IDE: variants seen among roughly 807,000 people sequenced by gnomAD.
IDE encodes insulin-degrading enzyme.
IDE carries 58 observed loss-of-function variants against 133.2 expected under a neutral mutation model. The ratio of observed to expected loss-of-function variants is 0.44; its 90% confidence interval spans 0.35 to 0.54. The LOEUF (loss-of-function observed/expected upper bound fraction) is 0.54. Among genes scored for constraint, IDE ranks in the 20% least tolerant of loss-of-function variants. The probability of loss-of-function intolerance (pLI) is 0.00; values close to 1 mark genes in which losing one functional copy is unlikely to be tolerated. For missense variants in IDE, 981 were observed against 1,234.0 expected (o/e 0.79, Z 3.07); for synonymous variants, 396 against 421.3 (o/e 0.94, Z 0.73).
At chr10:92,492,821 C>T (rs541146204) in intron 11 of IDE, among the ~76,000 whole-genome samples, 5 of 152,188 alleles carry the variant, frequency 3.3e-5, no homozygotes, top group Non-Finnish European at 5.9e-5. Context: ...AACTTCAACG[C>T]TAGTAGTCTG....
chr10:92,549,864 T>A (rs1222398002), intron 1 of IDE, among the ~76,000 whole-genome samples: 4 of 152,106 alleles, frequency 2.6e-5, no homozygotes, highest in Non-Finnish European at 5.9e-5. Context: ...ACCCAAGTCT[T>A]TAGACACAAA....
Position 92,483,797 on chromosome 10 carries a change from AT to A in IDE, c.1657-461del, listed in dbSNP as rs577810442. On this transcript the variant is annotated intron_variant, in intron 13 of 24. Coordinates refer to ENST00000265986, the MANE Select transcript of IDE (RefSeq NM_004969.4). ...GGTTGGTCTGCCTTACTAACAAAAT[AT>A]GACAGAATTAATGGTATACCTCTGA... Among the ~76,000 whole-genome samples, 127 of 152,282 alleles carry A rather than the reference AT, an allele frequency of 8.3e-4. 1 individual carries two copies. Among genetic ancestry groups the A allele is most frequent in the Middle Eastern group, 3.4e-3 (1 of 294 alleles).
chr10:92,552,498 C>T (rs564230156), intron 1 of IDE, among the ~76,000 whole-genome samples: 1 of 152,150 alleles, frequency 6.6e-6, no homozygotes, highest in South Asian at 2.1e-4. Flanking sequence ...CTAGACTGGC[C>T]GGCCACTAGA....
rs78857155 is a variant in IDE at position 92,457,666 on chromosome 10, G to A, written c.2824-1235C>T. On this transcript the variant is annotated intron_variant, in intron 22 of 24. Coordinates refer to ENST00000265986, the MANE Select transcript of IDE (RefSeq NM_004969.4). ...CTCTTATTCCTTAGCCACAAGCAACGTTTCATATCCTTAGAGGAAAGAAAT... is the reference window on the plus strand; with the variant it reads ...CTCTTATTCCTTAGCCACAAGCAACATTTCATATCCTTAGAGGAAAGAAAT... Among the ~76,000 whole-genome samples the A allele has an allele frequency of 5.2e-3, 791 of 152,108 alleles. 10 individuals are homozygous for A. Among genetic ancestry groups the A allele is most frequent in the African/African-American group, 0.018 (749 of 41,476 alleles).
intron 11 of IDE, among the ~76,000 whole-genome samples, chr10:92,495,314 G>A (rs1200158019): frequency 6.6e-6 from 1 of 151,262 alleles, no homozygotes; most frequent in Non-Finnish European, 1.5e-5. Flanking sequence ...TCCGCCTCCT[G>A]GATTCAAGCG....
At chr10:92,543,161 A>C (rs1270111888) in intron 1 of IDE, among the ~76,000 whole-genome samples, 1 of 152,230 alleles carries the variant, frequency 6.6e-6, no homozygotes, top group Non-Finnish European at 1.5e-5. Context: ...CTTCTGTGGA[A>C]TCCATCCACC....
At chr10:92,478,913 T>C (rs1846435628) in intron 15 of IDE, 1 of 349,334 alleles carries the variant, frequency 2.9e-6, no homozygotes, top group Non-Finnish European at 4.4e-6. Context: ...AAATAGTATA[T>C]GCCAACCTTA....
intron 1 of IDE, among the ~76,000 whole-genome samples, chr10:92,549,029 G>T (rs1014808425): frequency 6.6e-6 from 1 of 151,926 alleles, no homozygotes; most frequent in East Asian, 1.9e-4. Flanking sequence ...AGGCTGAGGC[G>T]GGCGGATCAC....
intron 10 of IDE, 85 bp from the exon 11 acceptor site, chr10:92,504,982 A>G (rs1039196556): frequency 1.5e-6 from 1 of 658,706 alleles, no homozygotes; most frequent in Admixed American, 3.4e-5. Context: ...CATTAAATTC[A>G]TTACTGTACA....
rs576303148 is a variant in IDE, at chr10:92,565,952, G to A, written c.98+7970C>T. ...TCTCGCTAAGCCACTTACTAGCTGT[G>A]TATCCTTGAGCAAGTTAACCTCTTT... On this transcript the variant is annotated intron_variant, in intron 1 of 24. Transcript: ENST00000265986. 4.2e-4 allele frequency among the ~76,000 whole-genome samples: 63 copies of A among 151,614 alleles called. No homozygotes were observed. The Middle Eastern group carries it at 0.01, about 25-fold the overall frequency.
chr10:92,555,236 C>T (rs558548222), intron 1 of IDE, among the ~76,000 whole-genome samples: 5 of 152,160 alleles, frequency 3.3e-5, no homozygotes, highest in East Asian at 1.9e-4. Flanking sequence ...CAGTGGCTCA[C>T]GCCTGTAATC....
In IDE at chr10:92,573,932, G is replaced by A; in HGVS notation, c.88C>T (p.Arg30Cys). 3 of 1,465,834 alleles carry A rather than the reference G, an allele frequency of 2.0e-6. No homozygotes were observed. Among genetic ancestry groups the A allele is most frequent in the Middle Eastern group, 1.7e-4 (1 of 5,720 alleles). The allele number at this position is 1,465,834 out of a possible 1,614,324, so 90.8% of individuals were successfully genotyped here. The change falls in exon 1 of 25, where the codon CGC becomes TGC. Residue 30 changes from arginine to cysteine, a missense_variant. Around this residue, in one of 2 missense-constraint regions of IDE, gnomAD observed 321 missense variants for 339.3 expected, o/e 0.95. Transcript: ENST00000265986. ...CTCCATTCCGCTTACCCACACAGGC[G>A]CTCCGGAGGCGGCAGGCGGGCGCCG... ...VLGARLPPPE[R>C]LCGFQKKTYS...
At chr10:92,549,443 G>T (rs1332645107) in intron 1 of IDE, among the ~76,000 whole-genome samples, 1 of 152,038 alleles carries the variant, frequency 6.6e-6, no homozygotes, top group Non-Finnish European at 1.5e-5. Flanking sequence ...TCCCATCTAT[G>T]TATCTACATA....
intron 13 of IDE, 50 bp downstream of exon 13, chr10:92,487,146 T>G: frequency 1.9e-6 from 3 of 1,542,500 alleles, no homozygotes; most frequent in Non-Finnish European, 2.6e-6. Context: ...CAGTCCCCCA[T>G]GTATTAGGTC....
intron 1 of IDE, chr10:92,573,311 G>A (rs951954907): frequency 2.8e-6 from 1 of 363,384 alleles, no homozygotes; most frequent in Non-Finnish European, 3.8e-6. Context: ...GTAAAACAAG[G>A]GAGCTGCTGT....
In IDE at chr10:92,531,913, C is replaced by T; in HGVS notation, c.496G>A (p.Ala166Thr). The change falls in exon 4 of 25, where the codon GCA (alanine) becomes ACA (threonine). Residue 166 changes from alanine to threonine, a missense_variant. Coordinates refer to ENST00000265986, the MANE Select transcript of IDE (RefSeq NM_004969.4). ...EHLEGALDRF[A>T]QFFLCPLFDE... ...AACAAGGGGCACAGAAAAAACTGTG[C>T]AAACCTAAGGGTACGAAACATAATT... 6.5e-7 allele frequency: 1 copy of T among 1,541,498 alleles called. No homozygotes were observed. The highest frequency in any genetic ancestry group is 1.4e-5 in the African/African-American group (1 of 72,968).
intron 11 of IDE, among the ~76,000 whole-genome samples, chr10:92,495,623 C>T (rs1564622876): frequency 6.6e-6 from 1 of 151,796 alleles, no homozygotes; most frequent in Non-Finnish European, 1.5e-5. Flanking sequence ...AGTGCTGGGA[C>T]TACAGGCGTG....
intron 13 of IDE, 55 bp downstream of exon 13, chr10:92,487,141 C>T: frequency 6.6e-7 from 1 of 1,522,658 alleles, no homozygotes; most frequent in African/African-American, 1.4e-5. Flanking sequence ...TTACCCAGTC[C>T]CCCATGTATT....
chr10:92,478,611 G>C (rs565035127), intron 15 of IDE: 1 of 1,128,730 alleles, frequency 8.9e-7, no homozygotes. Context: ...CTTAAACGGG[G>C]TGGTGCCTTT....
Sources: allele counts gnomAD v4.1 joint callset (sites outside exome capture counted in the v4.1 genomes callset), GRCh38; gene constraint gnomAD v4.1.1; regional missense constraint gnomAD v4.1.1; transcripts MANE v1.5; gene names NCBI Gene and HGNC (gene_info 2026-07-23, HGNC 2026-07-21).